Variants in NRG3 observed in about 807,000 individuals in gnomAD.
The protein encoded by NRG3 is neuregulin 3.
Under a neutral mutation model 66.9 loss-of-function variants are expected in NRG3, and 31 were observed. That is an observed-to-expected ratio of 0.46 (90% CI 0.35 to 0.63). The LOEUF (loss-of-function observed/expected upper bound fraction) is 0.63. Ranked by LOEUF, NRG3 falls within the 20% of genes least tolerant of loss-of-function variation. NRG3 has a pLI of 0.00. For missense variants in NRG3, 910 were observed against 878.9 expected (o/e 1.04, Z -0.45); for synonymous variants, 393 against 359.4 (o/e 1.09, Z -1.06).
chr10:82,304,899 G>A (rs2134846885), intron 1 of NRG3, among the ~76,000 whole-genome samples: 1 of 151,060 alleles, frequency 6.6e-6, no homozygotes, highest in East Asian at 2.0e-4. Flanking sequence ...AATCTTGGGA[G>A]CTATCTTAAA....
intron 1 of NRG3, among the ~76,000 whole-genome samples, chr10:82,147,566 T>G (rs1384280488): frequency 6.6e-6 from 1 of 152,216 alleles, no homozygotes; most frequent in Non-Finnish European, 1.5e-5. Context: ...AATCTCTACT[T>G]CCTTCTTATT....
intron 1 of NRG3, among the ~76,000 whole-genome samples, chr10:82,060,218 G>T (rs533399336): frequency 1.1e-4 from 17 of 152,206 alleles, no homozygotes; most frequent in Non-Finnish European, 2.4e-4. Context: ...ATGAAGGCAT[G>T]AGCATTTCCT....
At chr10:82,045,173 A>G (rs1186024344) in intron 1 of NRG3, among the ~76,000 whole-genome samples, 10 of 81,296 alleles carry the variant, frequency 1.2e-4, no homozygotes, top group African/African-American at 2.8e-4. Flanking sequence ...ACTAGTTTAC[A>G]GTCCCACCAA....
intron 2 of NRG3, among the ~76,000 whole-genome samples, chr10:82,443,187 T>C (rs536929283): frequency 6.6e-6 from 1 of 150,420 alleles, no homozygotes. Context: ...ACAACTTCTG[T>C]GATGTTAGGA....
chr10:82,687,493 T>A (rs1399970553), intron 2 of NRG3, among the ~76,000 whole-genome samples: 1 of 152,158 alleles, frequency 6.6e-6, no homozygotes, highest in Admixed American at 6.6e-5. Context: ...AATACAGATC[T>A]CTTATTTCAG....
intron 1 of NRG3, among the ~76,000 whole-genome samples, chr10:81,919,683 G>C (rs1240950110): frequency 1.3e-5 from 2 of 152,080 alleles, no homozygotes; most frequent in African/African-American, 4.8e-5. Flanking sequence ...ATTATTGAGG[G>C]AAACTGAGAT....
At chr10:82,712,263 T>C (rs897601286) in intron 2 of NRG3, among the ~76,000 whole-genome samples, 3 of 152,336 alleles carry the variant, frequency 2.0e-5, no homozygotes, top group Admixed American at 1.3e-4. Flanking sequence ...TAAAAGATTA[T>C]ACTAAGGTTA....
intron 1 of NRG3, among the ~76,000 whole-genome samples, chr10:81,884,443 G>C (rs1842439536): frequency 6.6e-6 from 1 of 152,116 alleles, no homozygotes; most frequent in Admixed American, 6.6e-5. Flanking sequence ...AAGTTTTGTT[G>C]ATATGTAATT....
At chr10:82,448,995 A>T (rs1253878362) in intron 2 of NRG3, among the ~76,000 whole-genome samples, 2 of 152,184 alleles carry the variant, frequency 1.3e-5, no homozygotes, top group Non-Finnish European at 2.9e-5. Flanking sequence ...CATTCATTGC[A>T]TATTATCTTT....
chr10:81,932,315 G>A (rs1847451767), intron 1 of NRG3, among the ~76,000 whole-genome samples: 1 of 152,012 alleles, frequency 6.6e-6, no homozygotes, highest in African/African-American at 2.4e-5. Flanking sequence ...CTCACGTCAT[G>A]AAGACAGCAC....
chr10:82,266,360 G>C (rs931431475), intron 1 of NRG3, among the ~76,000 whole-genome samples: 1 of 152,048 alleles, frequency 6.6e-6, no homozygotes, highest in Non-Finnish European at 1.5e-5. Flanking sequence ...TGATCACCTG[G>C]ACATGTGGAG....
At chr10:81,919,315 G>A (rs1396513404) in intron 1 of NRG3, among the ~76,000 whole-genome samples, 1 of 152,160 alleles carries the variant, frequency 6.6e-6, no homozygotes, top group Non-Finnish European at 1.5e-5. Flanking sequence ...GATGGACATT[G>A]CTTCAAAACC....
intron 4 of NRG3, among the ~76,000 whole-genome samples, chr10:82,911,981 A>G (rs1179198116): frequency 6.6e-6 from 1 of 151,900 alleles, no homozygotes; most frequent in Non-Finnish European, 1.5e-5. Flanking sequence ...CTTTTGCCTC[A>G]TCTCCTTTGA....
At chr10:82,282,490 A>G (rs928025555) in intron 1 of NRG3, among the ~76,000 whole-genome samples, 1 of 152,044 alleles carries the variant, frequency 6.6e-6, no homozygotes, top group East Asian at 1.9e-4. Context: ...AAAGTTGTGT[A>G]ACACAGCAGT....
chr10:82,169,930 G>A (rs1354512006), intron 1 of NRG3, among the ~76,000 whole-genome samples: 1 of 148,662 alleles, frequency 6.7e-6, no homozygotes, highest in African/African-American at 2.5e-5. Context: ...TCTACTGTTA[G>A]CCTACTTGTG....
intron 2 of NRG3, among the ~76,000 whole-genome samples, chr10:82,709,370 T>C (rs2056515173): frequency 6.7e-6 from 1 of 148,970 alleles, no homozygotes; most frequent in African/African-American, 2.5e-5. Flanking sequence ...TTTTTTGTTT[T>C]TGTTTTTTGT....
At chr10:82,668,622 C>G (rs546105328) in intron 2 of NRG3, among the ~76,000 whole-genome samples, 4 of 152,268 alleles carry the variant, frequency 2.6e-5, no homozygotes, top group Admixed American at 6.5e-5. Flanking sequence ...CAGTTGAGAT[C>G]TGTAAGTTCA....
At chr10:82,774,123 T>A (rs2135202438) in intron 3 of NRG3, among the ~76,000 whole-genome samples, 1 of 152,322 alleles carries the variant, frequency 6.6e-6, no homozygotes, top group African/African-American at 2.4e-5. Context: ...TTGAGTATTG[T>A]TACATTAATG....
intron 2 of NRG3, among the ~76,000 whole-genome samples, chr10:82,546,288 T>G (rs2043910197): frequency 6.6e-6 from 1 of 152,238 alleles, no homozygotes; most frequent in Admixed American, 6.5e-5. Context: ...ACTAGATTTC[T>G]TTGTTCATCT....
Sources: allele counts gnomAD v4.1 joint callset (sites outside exome capture counted in the v4.1 genomes callset), GRCh38; gene constraint gnomAD v4.1.1; transcripts MANE v1.5; gene names NCBI Gene and HGNC (gene_info 2026-07-23, HGNC 2026-07-21).